Variants in CTTNBP2 observed in about 807,000 individuals in gnomAD.
The protein encoded by CTTNBP2 is cortactin-binding protein 2.
A neutral mutation model predicts 156.9 loss-of-function variants in CTTNBP2; 108 were observed. The ratio of observed to expected loss-of-function variants is 0.69; its 90% CI spans 0.59 to 0.81. CTTNBP2 has a LOEUF of 0.81. Ranked by LOEUF, CTTNBP2 falls within the 30% of genes least tolerant of loss-of-function variation. CTTNBP2 has a pLI of 0.00. For missense variants in CTTNBP2, 1,924 were observed against 2,035.4 expected (o/e 0.95, Z 1.05); for synonymous variants, 767 against 751.8 (o/e 1.02, Z -0.33).
rs199927835 is a variant in CTTNBP2, at chr7:117,791,273, A to G, written c.1923T>C (p.Ala641=). Residue 641 remains alanine (A), a synonymous_variant, in exon 4 of 23, where the codon GCT becomes GCC. Transcript: ENST00000160373. ...LATSQVGAWP[A]ATPGLNQPAC... ...CAGGTTGGTTCAGTCCGGGGGTTGC[A>G]GCAGGCCAGGCACCCACCTGAGACG... 2 of 1,614,156 alleles carry G rather than the reference A, an allele frequency of 1.2e-6. No individual in the cohort carries two copies. The highest frequency in any genetic ancestry group is 1.7e-6 in the Non-Finnish European group (2 of 1,180,024).
At chr7:117,743,420 G>T (rs1796123977) in intron 14 of CTTNBP2, among the ~76,000 whole-genome samples, 2 of 152,112 alleles carry the variant, frequency 1.3e-5, no homozygotes, top group Admixed American at 1.3e-4. Flanking sequence ...CTGGACTGCT[G>T]GGGTTTGAGT....
chr7:117,756,563 G>A lies in CTTNBP2; in HGVS notation c.3340C>T (p.Leu1114Phe). ...MIPLQMMQNY[L>F]RLVEQYHNVI... Reference sequence around the variant, plus strand: ...CAGCAGTGTCCACCTACCAGCCTGAGGTAGTTCTGCATCATCTGGAGAGGG... The same window carrying A: ...CAGCAGTGTCCACCTACCAGCCTGAAGTAGTTCTGCATCATCTGGAGAGGG... The change falls in exon 12 of 23, where the codon CTC becomes TTC. Residue 1114 changes from leucine to phenylalanine, a missense_variant. Coordinates refer to ENST00000160373, the MANE Select transcript of CTTNBP2 (RefSeq NM_033427.3). 2 of 1,612,322 alleles carry A rather than the reference G, an allele frequency of 1.2e-6. No homozygotes were observed. Among genetic ancestry groups the A allele is most frequent in the Non-Finnish European group, 1.7e-6 (2 of 1,178,400 alleles).
chr7:117,814,298 T>C (rs1439732018), intron 2 of CTTNBP2, among the ~76,000 whole-genome samples: 1 of 152,094 alleles, frequency 6.6e-6, no homozygotes, highest in East Asian at 1.9e-4. Flanking sequence ...TGTATTTTTG[T>C]TGTGTTTTTT....
At chr7:117,849,983 T>C (rs1243959672) in intron 2 of CTTNBP2, among the ~76,000 whole-genome samples, 2 of 152,182 alleles carry the variant, frequency 1.3e-5, no homozygotes, top group African/African-American at 2.4e-5. Flanking sequence ...TAAAATGAGA[T>C]AACAACAGTA....
chr7:117,811,133 G>C, intron 2 of CTTNBP2, 144 bp from the exon 3 acceptor site: 1 of 642,526 alleles, frequency 1.6e-6, no homozygotes, highest in South Asian at 2.0e-5. Context: ...GTGAGTGAGA[G>C]GCAAATGTGA....
chr7:117,744,268 C>G (rs1478502879), intron 14 of CTTNBP2, among the ~76,000 whole-genome samples: 1 of 151,518 alleles, frequency 6.6e-6, no homozygotes, highest in East Asian at 1.9e-4. Context: ...AACAGTAGGT[C>G]TCATTCATTC....
At chr7:117,784,201 G>T in intron 5 of CTTNBP2, 50 bp downstream of exon 5, 2 of 1,410,130 alleles carry the variant, frequency 1.4e-6, no homozygotes, top group South Asian at 1.4e-5. Flanking sequence ...ATGGGCTTTT[G>T]ACTTTCCATC....
chr7:117,784,886 A>AT (rs1798629832), intron 4 of CTTNBP2, among the ~76,000 whole-genome samples: 1 of 152,232 alleles, frequency 6.6e-6, no homozygotes, highest in South Asian at 2.1e-4. Context: ...ATTTTTAGGT[A>AT]TAAGAGGAAT....
chr7:117,711,527 G>A lies in CTTNBP2; in HGVS notation c.*10C>T, dbSNP rs553253330. On this transcript the variant is annotated 3_prime_UTR_variant, in exon 23 of 23. Coordinates refer to ENST00000160373, the MANE Select transcript of CTTNBP2 (RefSeq NM_033427.3). ...AGAGGAAGTTAATAATGAGAATATT[G>A]TAGGCAGGCCTATTTGTTAGGTTTT... 8.7e-5 allele frequency: 140 copies of A among 1,607,582 alleles called. No individual in the cohort carries two copies. In the South Asian group the frequency reaches 1.5e-3, roughly 18 times the overall value.
At chr7:117,731,913 G>C (rs573810497) in intron 16 of CTTNBP2, among the ~76,000 whole-genome samples, 2 of 152,270 alleles carry the variant, frequency 1.3e-5, no homozygotes, top group South Asian at 4.1e-4. Flanking sequence ...TTTTAAACAT[G>C]AATTCTGGAA....
At chr7:117,714,850 C>G (rs974834992) in intron 22 of CTTNBP2, among the ~76,000 whole-genome samples, 1 of 152,182 alleles carries the variant, frequency 6.6e-6, no homozygotes, top group African/African-American at 2.4e-5. Flanking sequence ...TCCTGACACC[C>G]TGGAAGTCAA....
rs1053078210 is a variant in CTTNBP2, at chr7:117,786,167, G to A, written c.2069-1713C>T. On this transcript the variant is annotated intron_variant, in intron 4 of 22. Transcript: ENST00000160373. ...GCAAAACAAAGCCAATTATACAAAT[G>A]AAACTACACTGCTAATAAAAAGCTG... Among the ~76,000 whole-genome samples the A allele has an allele frequency of 6.8e-4, 103 of 152,078 alleles. 1 individual carries two copies. The highest frequency in any genetic ancestry group is 2.2e-3 in the African/African-American group (93 of 41,422).
At chr7:117,832,546 A>G (rs1801673836) in intron 2 of CTTNBP2, among the ~76,000 whole-genome samples, 1 of 149,124 alleles carries the variant, frequency 6.7e-6, no homozygotes, top group Non-Finnish European at 1.5e-5. Flanking sequence ...TTTTTTTTTT[A>G]CATACTACCA....
At chr7:117,717,841 A>G (rs1056874893) in intron 22 of CTTNBP2, among the ~76,000 whole-genome samples, 177 bp downstream of exon 22, 3 of 151,996 alleles carry the variant, frequency 2.0e-5, no homozygotes, top group Non-Finnish European at 4.4e-5. Flanking sequence ...TTTTTTTCCA[A>G]AATATTCTAT....
chr7:117,792,461 C>T lies in CTTNBP2; in HGVS notation c.735G>A (p.Leu245=). The part of the protein sequence containing the change: ...DTEREQLRAK[L]NREEAHTTDL... ...CAGTGGTGTGTGCTTCTTCCCGGTT[C>T]AGCTTGGCACGAAGCTGTTCCCGCT... Residue 245 remains leucine, a synonymous_variant, in exon 4 of 23, where the codon CTG becomes CTA. Coordinates refer to ENST00000160373, the MANE Select transcript of CTTNBP2 (RefSeq NM_033427.3). The surrounding 1 kb of genome is among the most constrained non-coding windows in gnomAD (Gnocchi z 4.2). 1 of 1,614,204 alleles carries T rather than the reference C, an allele frequency of 6.2e-7. No homozygotes were observed. Among genetic ancestry groups the T allele is most frequent in the Non-Finnish European group, 8.5e-7 (1 of 1,180,046 alleles).
intron 2 of CTTNBP2, among the ~76,000 whole-genome samples, chr7:117,833,632 C>G (rs56278833): frequency 6.6e-6 from 1 of 152,148 alleles, no homozygotes; most frequent in Non-Finnish European, 1.5e-5. Flanking sequence ...ATATGTTGTA[C>G]GTAGATCCTC....
intron 14 of CTTNBP2, among the ~76,000 whole-genome samples, chr7:117,743,365 T>G (rs2116541516): frequency 1.3e-5 from 2 of 152,306 alleles, no homozygotes; most frequent in East Asian, 3.9e-4. Context: ...GTTTTGGCAC[T>G]AGGGCGTTTT....
chr7:117,759,262 C>G (rs76607522), intron 10 of CTTNBP2, among the ~76,000 whole-genome samples: 1 of 151,866 alleles, frequency 6.6e-6, no homozygotes, highest in Non-Finnish European at 1.5e-5. Context: ...TGCATGTGAC[C>G]GCACCCACCT....
intron 2 of CTTNBP2, among the ~76,000 whole-genome samples, chr7:117,817,779 A>G (rs1800707274): frequency 6.6e-6 from 1 of 152,184 alleles, no homozygotes; most frequent in Non-Finnish European, 1.5e-5. Flanking sequence ...GACATTATTT[A>G]TTGCTAGGTG....
Sources: allele counts gnomAD v4.1 joint callset (sites outside exome capture counted in the v4.1 genomes callset), GRCh38; gene constraint gnomAD v4.1.1; non-coding constraint Gnocchi (gnomAD v3.1); transcripts MANE v1.5; gene names NCBI Gene and HGNC (gene_info 2026-07-23, HGNC 2026-07-21).